OPA1: variants seen among roughly 807,000 people sequenced by gnomAD.
OPA1 encodes OPA1 mitochondrial dynamin like GTPase.
A neutral mutation model predicts 152.9 loss-of-function variants in OPA1; 59 were observed. The observed-to-expected ratio is 0.39, with a 90% CI of 0.31 to 0.48. OPA1 has a LOEUF of 0.48. OPA1 is among the 20% of genes least tolerant of loss of function. The probability of loss-of-function intolerance (pLI) is 0.96; values close to 1 mark genes in which losing one functional copy is unlikely to be tolerated. For missense variants in OPA1, 1,008 were observed against 1,216.8 expected, an observed-to-expected ratio of 0.83 and a Z score of 2.55; for synonymous variants, 400 against 389.9, an observed-to-expected ratio of 1.03 and a Z score of -0.31.
At chr3:193,606,837 G>A (rs1193415843) in intron 1 of OPA1, among the ~76,000 whole-genome samples, 5 of 152,294 alleles carry the variant, frequency 3.3e-5, no homozygotes, top group African/African-American at 7.2e-5. Flanking sequence ...CTGAGGAATT[G>A]CCACACTGAC....
intron 1 of OPA1, among the ~76,000 whole-genome samples, chr3:193,610,764 A>G (rs1488558578): frequency 2.0e-5 from 3 of 152,160 alleles, no homozygotes; most frequent in African/African-American, 4.8e-5. Flanking sequence ...CCTCGCTGCC[A>G]CCTTGCAGTT....
chr3:193,642,967 T>C lies in OPA1; in HGVS notation c.1231-8T>C. 6 of 1,612,682 alleles carry C rather than the reference T, an allele frequency of 3.7e-6. No homozygotes were observed. In the African/African-American group the frequency reaches 6.7e-5, roughly 18 times the overall value. ...TAGATTTTCTTAGGATTTTGTGTTT[T>C]CCATTAGCTTGCAGCATTAAGACAT... On this transcript the variant is annotated splice_polypyrimidine_tract_variant and splice_region_variant and intron_variant, in intron 12 of 30. Coordinates refer to ENST00000361510, the MANE Select transcript of OPA1 (RefSeq NM_130837.3).
intron 29 of OPA1, among the ~76,000 whole-genome samples, chr3:193,687,376 G>A (rs755490644): frequency 2.6e-5 from 4 of 152,166 alleles, no homozygotes; most frequent in South Asian, 2.1e-4. Context: ...TTCACTACAC[G>A]TAGAAATAGC....
chr3:193,617,680 T>G, intron 4 of OPA1, 104 bp from the exon 5 acceptor site: 3 of 841,008 alleles, frequency 3.6e-6, no homozygotes, highest in Admixed American at 1.9e-5. Flanking sequence ...ATTTGCCCAA[T>G]TATTGCCCTA....
chr3:193,595,900 C>T (rs982572542), intron 1 of OPA1, among the ~76,000 whole-genome samples: 1 of 151,966 alleles, frequency 6.6e-6, no homozygotes, highest in Non-Finnish European at 1.5e-5. Flanking sequence ...GATTTGTACT[C>T]GTCGTCTGTT....
At chr3:193,681,732 T>C (rs1720166048) in intron 29 of OPA1, among the ~76,000 whole-genome samples, 1 of 152,242 alleles carries the variant, frequency 6.6e-6, no homozygotes, top group African/African-American at 2.4e-5. Flanking sequence ...ATTATTATTC[T>C]GTCTGTCATG....
chr3:193,631,761 AT>A (rs2108980537), intron 8 of OPA1, 96 bp downstream of exon 8: 20 of 1,008,572 alleles, frequency 2.0e-5, no homozygotes, highest in Non-Finnish European at 3.0e-5. Flanking sequence ...ACAGAGCAAA[AT>A]TTGGAAGGTG....
Position 193,694,847 on chromosome 3 carries a change from G to C in OPA1, c.*247G>C, listed in dbSNP as rs55819723. ...AGTGACAAATCGGAATAATATAATT[G>C]GTATGGCCATTAGGTTCAGTCCTTG... On this transcript the variant is annotated 3_prime_UTR_variant, in exon 31 of 31. Transcript: ENST00000361510. 1 of 152,244 alleles carries C rather than the reference G, an allele frequency of 6.6e-6. No individual in the cohort carries two copies. The highest frequency in any genetic ancestry group is 2.4e-5 in the African/African-American group (1 of 41,538). 9.4% of individuals were successfully genotyped at this position (152,244 alleles called of 1,614,324 possible).
chr3:193,667,899 T>A (rs1716997475), intron 29 of OPA1, among the ~76,000 whole-genome samples: 1 of 152,128 alleles, frequency 6.6e-6, no homozygotes, highest in Non-Finnish European at 1.5e-5. Flanking sequence ...AACAAGATGT[T>A]CCAGGCTCAA....
chr3:193,673,159 C>T (rs1316281247), intron 29 of OPA1, among the ~76,000 whole-genome samples: 1 of 152,162 alleles, frequency 6.6e-6, no homozygotes, highest in Non-Finnish European at 1.5e-5. Flanking sequence ...GGTCTTTTCA[C>T]TACTGTGCCA....
chr3:193,610,425 G>A (rs1728023229), intron 1 of OPA1, among the ~76,000 whole-genome samples: 1 of 152,212 alleles, frequency 6.6e-6, no homozygotes, highest in Non-Finnish European at 1.5e-5. Flanking sequence ...ACCCGGCCAT[G>A]TGAGGTGTCA....
chr3:193,614,740 T>C lies in OPA1; in HGVS notation c.50T>C (p.Leu17Ser). Residue 17 changes from leucine (L) to serine (S), a missense_variant, in exon 2 of 31, where the codon TTA becomes TCA. Leu to Ser is a moderately radical substitution (Grantham distance 145, BLOSUM62 -2). Transcript: ENST00000361510. ...TCTTTCAGTGAGGTCTGCCAGTCTT[T>C]AGTGAAACACAGCTCTGGAATAAAA... ...AAVACEVCQS[L>S]VKHSSGIKGS... 1.2e-6 allele frequency: 2 copies of C among 1,613,598 alleles called. No individual in the cohort carries two copies. Among genetic ancestry groups the C allele is most frequent in the Admixed American group, 1.7e-5 (1 of 60,028 alleles).
At position 193,638,025 on chromosome 3, in the gene OPA1, C is replaced by G; in HGVS notation, c.1109C>G (p.Pro370Arg). ...LEMIAQARIF[P>R]RGSGEMMTRS... ...ATGATTGCCCAAGCTCGAATATTCCCAAGAGGATCTGGGGAGATGATGACA... is the reference window on the plus strand; with the variant it reads ...ATGATTGCCCAAGCTCGAATATTCCGAAGAGGATCTGGGGAGATGATGACA... The change falls in exon 11 of 31, where the codon CCA becomes CGA. Residue 370 changes from proline (P) to arginine (R), a missense_variant. Around this residue, in one of 7 missense-constraint regions of OPA1, gnomAD observed 213 missense variants for 291.4 expected, o/e 0.73. Transcript: ENST00000361510. The G allele has an allele frequency of 6.2e-7, 1 of 1,614,038 alleles. No individual in the cohort carries two copies. The highest frequency in any genetic ancestry group is 1.7e-5 in the Admixed American group (1 of 60,010).
intron 29 of OPA1, among the ~76,000 whole-genome samples, chr3:193,676,905 T>G (rs568393901): frequency 7.4e-6 from 1 of 134,860 alleles, no homozygotes; most frequent in African/African-American, 2.9e-5. Context: ...GGCGTGAACC[T>G]GGGAGGCGGA....
chr3:193,683,948 A>G lies in OPA1; in HGVS notation c.2984-8115A>G, dbSNP rs561122289. ...CTCCCAAGTATGCTGGGACTTTGCT[A>G]GAGGTAAGCTGCAAATTTAGCCCTC... On this transcript the variant is annotated intron_variant, in intron 29 of 30. Transcript: ENST00000361510. 2.6e-5 allele frequency among the ~76,000 whole-genome samples: 4 copies of G among 152,320 alleles called. No individual in the cohort carries two copies. The East Asian group carries it at 7.7e-4, about 29-fold the overall frequency.
In OPA1 at chr3:193,643,829, G is replaced by A. The variant is rs532771802; in HGVS notation, c.1478-146G>A. The A allele has an allele frequency of 1.2e-5, 12 of 980,682 alleles. No individual in the cohort carries two copies. The South Asian group carries it at 1.3e-4, about 10-fold the overall frequency. 60.7% of individuals were successfully genotyped at this position (980,682 alleles called of 1,614,324 possible). On this transcript the variant is annotated intron_variant, in intron 15 of 30. Transcript: ENST00000361510. ...CATAAGCATCATTGAAATTTTTATC[G>A]GCTAGGATTTCTTTTTAGTAAATAA...
chr3:193,599,436 G>A (rs1014692840), intron 1 of OPA1, among the ~76,000 whole-genome samples: 3 of 148,144 alleles, frequency 2.0e-5, no homozygotes, highest in African/African-American at 7.5e-5. Context: ...TTTCTTTTTG[G>A]TTTCTTTTTT....
intron 1 of OPA1, among the ~76,000 whole-genome samples, chr3:193,596,103 C>A (rs906721111): frequency 6.6e-6 from 1 of 151,914 alleles, no homozygotes; most frequent in Non-Finnish European, 1.5e-5. Context: ...TTTGTTCATC[C>A]CACGGGATGC....
chr3:193,628,824 T>C (rs566416508), intron 7 of OPA1, among the ~76,000 whole-genome samples: 2 of 152,352 alleles, frequency 1.3e-5, no homozygotes, highest in African/African-American at 4.8e-5. Context: ...CTCATCAATC[T>C]TTAATGTTTG....
Sources: gnomAD v4.1 joint callset for allele counts (sites outside exome capture counted in the v4.1 genomes callset) on GRCh38, gnomAD v4.1.1 for gene constraint, gnomAD v4.1.1 regional missense constraint, MANE v1.5 for transcripts, NCBI Gene and HGNC (gene_info 2026-07-23, HGNC 2026-07-21) for gene names.